Variants in R3HDM2 observed in about 807,000 individuals in gnomAD.
The protein encoded by R3HDM2 is R3H domain containing 2, also known as R3H domain-containing protein 2.
A neutral mutation model predicts 124.5 loss-of-function variants in R3HDM2; 38 were observed. That is an observed-to-expected ratio of 0.31 (90% CI 0.24 to 0.40). The LOEUF is 0.40. Among genes scored for constraint, R3HDM2 ranks in the 10% least tolerant of loss-of-function variants. The pLI is 1.00. For synonymous variants in R3HDM2, 391 were observed against 448.0 expected, an observed-to-expected ratio of 0.87 and a Z score of 1.61; for missense variants, 869 against 1,236.9, an observed-to-expected ratio of 0.70 and a Z score of 4.46.
chr12:57,396,531 C>T (rs1367643897), intron 1 of R3HDM2, among the ~76,000 whole-genome samples: 1 of 152,104 alleles, frequency 6.6e-6, no homozygotes, highest in Non-Finnish European at 1.5e-5. Context: ...GTAATCCCAG[C>T]ACTTTGGGAG....
intron 4 of R3HDM2, among the ~76,000 whole-genome samples, chr12:57,301,883 A>G (rs2051261503): frequency 6.6e-6 from 1 of 152,194 alleles, no homozygotes; most frequent in South Asian, 2.1e-4. Context: ...ACACACTAAC[A>G]CATGTAGTCT....
intron 10 of R3HDM2, among the ~76,000 whole-genome samples, chr12:57,294,279 T>C (rs1006209228): frequency 7.2e-5 from 11 of 152,142 alleles, no homozygotes; most frequent in African/African-American, 1.4e-4. Flanking sequence ...AAGTTCACAA[T>C]AGGGACAGAC....
chr12:57,320,988 C>T (rs2056357788), intron 2 of R3HDM2, among the ~76,000 whole-genome samples: 1 of 152,134 alleles, frequency 6.6e-6, no homozygotes, highest in African/African-American at 2.4e-5. Context: ...ATTTGTTTAT[C>T]AATCATAAGT....
rs142989829 is a variant in R3HDM2 at position 57,367,804 on chromosome 12, A to G, written c.-36+27945T>C. Among the ~76,000 whole-genome samples, 215 of 152,078 alleles carry G rather than the reference A, an allele frequency of 1.4e-3. 2 individuals carry two copies. The highest frequency in any genetic ancestry group is 4.9e-3 in the African/African-American group (204 of 41,508). Reference sequence around the variant, plus strand: ...TCACCAGAACTGTAAGTTCCCCTCCACTGAGTTTCTTTCAATCATTATTTT... The same window carrying G: ...TCACCAGAACTGTAAGTTCCCCTCCGCTGAGTTTCTTTCAATCATTATTTT... On this transcript the variant is annotated intron_variant, in intron 2 of 23. Coordinates refer to ENST00000402412, the MANE Select transcript of R3HDM2 (RefSeq NM_001394031.1).
intron 3 of R3HDM2, 54 bp from the exon 4 acceptor site, chr12:57,303,271 T>G: frequency 1.4e-6 from 2 of 1,386,230 alleles, no homozygotes; most frequent in Non-Finnish European, 2.0e-6. Flanking sequence ...GACATGTAAG[T>G]TAAAAACAAT....
At chr12:57,333,645 T>C (rs978881921) in intron 2 of R3HDM2, among the ~76,000 whole-genome samples, 4 of 151,610 alleles carry the variant, frequency 2.6e-5, no homozygotes, top group African/African-American at 4.9e-5. Flanking sequence ...TGGGCTGAGA[T>C]TGCGCCACTG....
rs1288285095 is a variant in R3HDM2, at chr12:57,280,430, CTGCTGCTGCTGT to C, written c.1260_1271del (p.Gln424_Gln427del). 36 of 1,614,104 alleles carry C rather than the reference CTGCTGCTGCTGT, an allele frequency of 2.2e-5. No homozygotes were observed. The highest frequency in any genetic ancestry group is 3.1e-5 in the Non-Finnish European group (36 of 1,179,952). On this transcript the variant is annotated inframe_deletion, in exon 14 of 24. Coordinates refer to ENST00000402412, the MANE Select transcript of R3HDM2 (RefSeq NM_001394031.1). Reference sequence around the variant, plus strand: ...GTGGGAGAGCAGGAAGTTGCTGCTGCTGCTGCTGCTGTTGCTGCTGGGCAGTACAAGGGAGAA... The same window carrying C: ...GTGGGAGAGCAGGAAGTTGCTGCTGCTGCTGCTGGGCAGTACAAGGGAGAA...
chr12:57,362,076 G>A (rs939930532), intron 2 of R3HDM2, among the ~76,000 whole-genome samples: 1 of 152,162 alleles, frequency 6.6e-6, no homozygotes, highest in African/African-American at 2.4e-5. Context: ...AAGTTGCAAT[G>A]AGCCAAGATC....
intron 2 of R3HDM2, among the ~76,000 whole-genome samples, chr12:57,335,212 C>T (rs2136752370): frequency 6.6e-6 from 1 of 151,512 alleles, no homozygotes; most frequent in East Asian, 2.0e-4. Context: ...ATCTCCCATA[C>T]TTTTTATTTT....
At position 57,300,133 on chromosome 12, in the gene R3HDM2, A is replaced by G; in HGVS notation, c.256T>C (p.Ser86Pro). The G allele has an allele frequency of 6.4e-7, 1 of 1,551,432 alleles. No homozygotes were observed. Among genetic ancestry groups the G allele is most frequent in the Non-Finnish European group, 8.7e-7 (1 of 1,146,888 alleles). The change falls in exon 5 of 24, where the codon TCC becomes CCC. Residue 86 changes from serine to proline, a missense_variant. This residue lies in a region of R3HDM2 where 267 missense variants were observed against 447.7 expected (regional missense o/e 0.60). Transcript: ENST00000402412. ...LVRSLAVCEE[S>P]STPFADGPLE... ...GGCCCATCAGCAAATGGGGTGGAGG[A>G]CTCCTCACACACTGCCAGGCTACGC... is the stretch of plus-strand genomic sequence containing the variant.
At chr12:57,270,861 G>A (rs560162558) in intron 14 of R3HDM2, among the ~76,000 whole-genome samples, 4 of 152,286 alleles carry the variant, frequency 2.6e-5, no homozygotes, top group African/African-American at 9.6e-5. Flanking sequence ...GAGCCACCGC[G>A]CCTGGCCTAT....
Position 57,295,829 on chromosome 12 carries a change from C to T in R3HDM2, c.702-322G>A, listed in dbSNP as rs2049687428. On this transcript the variant is annotated intron_variant, in intron 9 of 23. Coordinates refer to ENST00000402412, the MANE Select transcript of R3HDM2 (RefSeq NM_001394031.1). ...GAGTAGGAATTAATTATATAACCAACCCCAACCCCAATCCCCTTCCCTGCA... is the reference window on the plus strand; with the variant it reads ...GAGTAGGAATTAATTATATAACCAATCCCAACCCCAATCCCCTTCCCTGCA... Among the ~76,000 whole-genome samples, 3 of 152,262 alleles carry T rather than the reference C, an allele frequency of 2.0e-5. No homozygotes were observed. The South Asian group carries it at 6.2e-4, about 32-fold the overall frequency.
rs1175900009 is a variant in R3HDM2, at chr12:57,269,973, A to C, written c.1366T>G (p.Phe456Val). Residue 456 changes from phenylalanine to valine, a missense_variant, in exon 15 of 24, where the codon TTT becomes GTT. Physicochemically the swap from Phe to Val is conservative, Grantham distance 50. Around this residue, in one of 2 missense-constraint regions of R3HDM2, gnomAD observed 602 missense variants for 789.2 expected, o/e 0.76. Transcript: ENST00000402412. ...TGGCGACTAAGGCTCATTTGTCCAAAGGGGTTGCTGAGGTCATCTGCCTGT... is the reference window on the plus strand; with the variant it reads ...TGGCGACTAAGGCTCATTTGTCCAACGGGGTTGCTGAGGTCATCTGCCTGT... The part of the protein sequence containing the change: ...ISQADDLSNP[F>V]GQMSLSRQGS... 1 of 1,614,104 alleles carries C rather than the reference A, an allele frequency of 6.2e-7. No homozygotes were observed. The highest frequency in any genetic ancestry group is 8.5e-7 in the Non-Finnish European group (1 of 1,180,052).
intron 2 of R3HDM2, among the ~76,000 whole-genome samples, chr12:57,382,925 C>T (rs1311626514): frequency 6.6e-6 from 1 of 151,994 alleles, no homozygotes; most frequent in East Asian, 1.9e-4. Flanking sequence ...GTCTGGAGTG[C>T]AATGGCGCAA....
chr12:57,369,568 C>A (rs1338525731), intron 2 of R3HDM2, among the ~76,000 whole-genome samples: 1 of 152,090 alleles, frequency 6.6e-6, no homozygotes, highest in Non-Finnish European at 1.5e-5. Flanking sequence ...TCATTTTAGT[C>A]TCCAAAATGT....
At chr12:57,368,414 C>G (rs1261400855) in intron 2 of R3HDM2, among the ~76,000 whole-genome samples, 1 of 152,124 alleles carries the variant, frequency 6.6e-6, no homozygotes, top group African/African-American at 2.4e-5. Context: ...ATGTTAAACT[C>G]TTTGAATATC....
chr12:57,358,524 G>A (rs1012055580), intron 2 of R3HDM2, among the ~76,000 whole-genome samples: 2 of 151,832 alleles, frequency 1.3e-5, no homozygotes, highest in Admixed American at 1.3e-4. Context: ...CTGTGCACCT[G>A]TACCAACTAC....
chr12:57,295,726 T>C (rs1037878735), intron 9 of R3HDM2: 2 of 500,404 alleles, frequency 4.0e-6, no homozygotes, highest in African/African-American at 3.8e-5. Context: ...ATCTGTCCTA[T>C]CAGTGAAGTG....
At chr12:57,387,424 C>T (rs564830994) in intron 2 of R3HDM2, among the ~76,000 whole-genome samples, 4 of 152,182 alleles carry the variant, frequency 2.6e-5, no homozygotes, top group Non-Finnish European at 5.9e-5. Context: ...AACTGTGACA[C>T]TCACCGCAAG....
Sources: allele counts gnomAD v4.1 joint callset (sites outside exome capture counted in the v4.1 genomes callset), GRCh38; gene constraint gnomAD v4.1.1; regional missense constraint gnomAD v4.1.1; transcripts MANE v1.5; gene names NCBI Gene and HGNC (gene_info 2026-07-23, HGNC 2026-07-21).